The following FANCC variants were observed in gnomAD, a reference collection of about 807,000 sequenced individuals.
FANCC encodes FA complementation group C.
In FANCC, 55 loss-of-function variants were observed where a neutral mutation model predicts 71.3. The observed-to-expected ratio is 0.77, with a 90% CI of 0.62 to 0.97. The LOEUF is 0.97. Among genes scored for constraint, FANCC ranks in the 50% least tolerant of loss-of-function variants. The pLI, the probability that FANCC is intolerant of heterozygous loss-of-function variation, is 0.00. For missense variants in FANCC, 678 were observed against 670.9 expected (o/e 1.01, Z -0.12); for synonymous variants, 275 against 244.9 (o/e 1.12, Z -1.15).
chr9:95,173,030 G>T (rs577353040), intron 4 of FANCC, among the ~76,000 whole-genome samples: 3 of 152,226 alleles, frequency 2.0e-5, no homozygotes, highest in African/African-American at 7.2e-5. Flanking sequence ...GCATAACAAT[G>T]AATATGAATA....
At chr9:95,154,957 G>A (rs1410909570) in intron 6 of FANCC, among the ~76,000 whole-genome samples, 1 of 151,750 alleles carries the variant, frequency 6.6e-6, no homozygotes, top group Non-Finnish European at 1.5e-5. Context: ...TGCAATCCCA[G>A]AACTTTGGGA....
intron 4 of FANCC, among the ~76,000 whole-genome samples, chr9:95,239,226 T>G (rs1422969332): frequency 6.6e-6 from 1 of 152,208 alleles, no homozygotes; most frequent in Non-Finnish European, 1.5e-5. Flanking sequence ...AACACAGCTT[T>G]AGCAATAACT....
At chr9:95,242,635 A>T (rs866895308) in intron 3 of FANCC, among the ~76,000 whole-genome samples, 1 of 151,968 alleles carries the variant, frequency 6.6e-6, no homozygotes, top group Admixed American at 6.6e-5. Context: ...TTCTCCCAAA[A>T]TTTTATTTTT....
intron 1 of FANCC, among the ~76,000 whole-genome samples, chr9:95,285,228 G>A (rs1000530980): frequency 2.6e-5 from 4 of 151,728 alleles, no homozygotes; most frequent in Non-Finnish European, 4.4e-5. Context: ...AACTATGATG[G>A]AATAAATCTC....
At chr9:95,297,099 A>G (rs1234868629) in intron 1 of FANCC, among the ~76,000 whole-genome samples, 2 of 152,236 alleles carry the variant, frequency 1.3e-5, no homozygotes, top group African/African-American at 4.8e-5. Flanking sequence ...CCAGAAAAAG[A>G]GACCTGACAC....
In FANCC at chr9:95,219,337, A is replaced by C. The variant is rs1829082592; in HGVS notation, c.345+21312T>G. On this transcript the variant is annotated intron_variant, in intron 4 of 14. Coordinates refer to ENST00000289081, the MANE Select transcript of FANCC (RefSeq NM_000136.3). ...ACAGCGGAATTGGAAAAAAACAAAA[A>C]ACCAGACAGACAAATCCAAGGAAGA... Among the ~76,000 whole-genome samples, 3 of 152,182 alleles carry C rather than the reference A, an allele frequency of 2.0e-5. No individual in the cohort carries two copies. In the South Asian group the frequency reaches 6.2e-4, roughly 32 times the overall value.
chr9:95,287,341 C>T (rs1833751439), intron 1 of FANCC, among the ~76,000 whole-genome samples: 1 of 152,114 alleles, frequency 6.6e-6, no homozygotes, highest in South Asian at 2.1e-4. Flanking sequence ...TCAACCTAAA[C>T]TTAAGGAGGA....
At position 95,261,037 on chromosome 9, in the gene FANCC, T is replaced by C. The variant is rs191446136; in HGVS notation, c.-78-11668A>G. Among the ~76,000 whole-genome samples the C allele has an allele frequency of 3.9e-5, 6 of 152,292 alleles. No individual in the cohort carries two copies. In the East Asian group the frequency reaches 1.2e-3, roughly 29 times the overall value. On this transcript the variant is annotated intron_variant, in intron 1 of 14. Coordinates refer to ENST00000289081, the MANE Select transcript of FANCC (RefSeq NM_000136.3). ...CAAAACCTGCTGTCTGGACCCCCTA[T>C]CTTACCTGTACGGCTACTGCTTTGC...
chr9:95,162,375 A>T (rs2135524063), intron 6 of FANCC, among the ~76,000 whole-genome samples: 1 of 152,312 alleles, frequency 6.6e-6, no homozygotes, highest in Non-Finnish European at 1.5e-5. Context: ...CACATAGGTT[A>T]CTTCCACCTC....
chr9:95,304,622 C>T (rs145711139), intron 1 of FANCC, among the ~76,000 whole-genome samples: 52 of 150,952 alleles, frequency 3.4e-4, no homozygotes, highest in African/African-American at 1.2e-3. Context: ...TGGTGGCGAG[C>T]GCCTGTAATC....
intron 1 of FANCC, among the ~76,000 whole-genome samples, chr9:95,313,489 T>A (rs1835540140): frequency 6.6e-6 from 1 of 152,196 alleles, no homozygotes; most frequent in Non-Finnish European, 1.5e-5. Flanking sequence ...AATTTCAAAT[T>A]TCCCTATAAA....
Position 95,124,515 on chromosome 9 carries a change from C to A in FANCC, c.996+571G>T, listed in dbSNP as rs550695082. Among the ~76,000 whole-genome samples, 13 of 152,330 alleles carry A rather than the reference C, an allele frequency of 8.5e-5. No homozygotes were observed. The East Asian group carries it at 2.5e-3, about 29-fold the overall frequency. ...GCGGGCCTGGCCTTTGGTTTACTGA[C>A]TGTGTCTAACACACACCTCCCGCTC... On this transcript the variant is annotated intron_variant, in intron 10 of 14. Transcript: ENST00000289081.
chr9:95,293,251 A>G, intron 1 of FANCC: 1 of 1,613,290 alleles, frequency 6.2e-7, no homozygotes. Context: ...CTTTGCTTAA[A>G]CTACCCGTGA....
chr9:95,299,380 A>G (rs1274936789), intron 1 of FANCC, among the ~76,000 whole-genome samples: 4 of 152,212 alleles, frequency 2.6e-5, no homozygotes, highest in Non-Finnish European at 5.9e-5. Flanking sequence ...CAGTGACTCT[A>G]TTGCTAGATA....
chr9:95,111,168 G>T (rs745430498), intron 13 of FANCC: 1 of 1,535,716 alleles, frequency 6.5e-7, no homozygotes, highest in Middle Eastern at 1.8e-4. Flanking sequence ...CGACCCTGGG[G>T]CAGATATGGC....
chr9:95,187,989 G>A (rs1027318480), intron 4 of FANCC, among the ~76,000 whole-genome samples: 3 of 152,206 alleles, frequency 2.0e-5, no homozygotes, highest in Non-Finnish European at 4.4e-5. Context: ...CTGTCACTAC[G>A]CATCAGTGTC....
At chr9:95,166,049 A>C (rs1831046922) in intron 6 of FANCC, among the ~76,000 whole-genome samples, 1 of 151,936 alleles carries the variant, frequency 6.6e-6, no homozygotes, top group Admixed American at 6.6e-5. Flanking sequence ...TGATAGTTTG[A>C]TATAAGTATG....
intron 11 of FANCC, 22 bp from the exon 12 acceptor site, chr9:95,114,732 T>A (rs756183511): frequency 6.2e-7 from 1 of 1,606,608 alleles, no homozygotes; most frequent in Admixed American, 1.7e-5. Flanking sequence ...GAGAGATACG[T>A]CAGAGGGCAA....
chr9:95,217,495 AC>A (rs1160056434), intron 4 of FANCC, among the ~76,000 whole-genome samples: 1 of 152,110 alleles, frequency 6.6e-6, no homozygotes, highest in African/African-American at 2.4e-5. Flanking sequence ...AAAAAAACAA[AC>A]AAAAAACACA....
Sources: allele counts gnomAD v4.1 joint callset (sites outside exome capture counted in the v4.1 genomes callset), GRCh38; gene constraint gnomAD v4.1.1; transcripts MANE v1.5; gene names NCBI Gene and HGNC (gene_info 2026-07-23, HGNC 2026-07-21).